FGF14: variants seen among roughly 807,000 people sequenced by gnomAD.
The protein encoded by FGF14 is fibroblast growth factor 14.
Under a neutral mutation model 25.5 loss-of-function variants are expected in FGF14, and 5 were observed. That is an observed-to-expected ratio of 0.20 (90% CI 0.10 to 0.41). The LOEUF (loss-of-function observed/expected upper bound fraction) is 0.41, where lower values mean the gene tolerates loss of function less well. Ranked by LOEUF, FGF14 falls within the 10% of genes least tolerant of loss-of-function variation. The pLI is 1.00. For synonymous variants in FGF14, 138 were observed against 118.3 expected, an observed-to-expected ratio of 1.17 and a Z score of -1.08; for missense variants, 222 against 320.1, an observed-to-expected ratio of 0.69 and a Z score of 2.34.
chr13:102,370,511 G>C (rs1031020651), intron 1 of FGF14, among the ~76,000 whole-genome samples: 1 of 151,974 alleles, frequency 6.6e-6, no homozygotes, highest in African/African-American at 2.4e-5. Context: ...TCGGCCTCCT[G>C]AGTAGCTGGG....
At chr13:102,096,949 A>G (rs186398282) in intron 1 of FGF14, among the ~76,000 whole-genome samples, 1 of 152,170 alleles carries the variant, frequency 6.6e-6, no homozygotes, top group East Asian at 1.9e-4. Flanking sequence ...GTAATTGCCT[A>G]TTTGTACATA....
chr13:102,275,775 A>G (rs1714312448), intron 1 of FGF14, among the ~76,000 whole-genome samples: 1 of 152,188 alleles, frequency 6.6e-6, no homozygotes, highest in Admixed American at 6.5e-5. Context: ...TGCTTAGCTT[A>G]GACAACTCAG....
chr13:101,730,561 T>C (rs971326797), intron 3 of FGF14, among the ~76,000 whole-genome samples: 56 of 152,322 alleles, frequency 3.7e-4, no homozygotes, highest in Middle Eastern at 3.4e-3. Context: ...AAAACTGACA[T>C]TGACCAACAT....
intron 3 of FGF14, among the ~76,000 whole-genome samples, chr13:101,864,242 C>A (rs547808137): frequency 6.6e-6 from 1 of 152,198 alleles, no homozygotes; most frequent in East Asian, 1.9e-4. Flanking sequence ...GTATGCTGGT[C>A]TGCTTTCAAA....
At chr13:101,851,613 G>A (rs763664101) in intron 3 of FGF14, among the ~76,000 whole-genome samples, 2 of 151,996 alleles carry the variant, frequency 1.3e-5, no homozygotes, top group Non-Finnish European at 2.9e-5. Flanking sequence ...CAAAAGCGAG[G>A]GACTTCAACC....
exon 1 of FGF14, chr13:102,401,679 A>G (rs2058705965): frequency 6.2e-7 from 1 of 1,612,078 alleles, no homozygotes; most frequent in Non-Finnish European, 8.5e-7. Flanking sequence ...GTTTTACCAT[A>G]GGAAAAACGA....
intron 1 of FGF14, among the ~76,000 whole-genome samples, chr13:102,062,227 A>G (rs1215631274): frequency 6.6e-6 from 1 of 152,196 alleles, no homozygotes; most frequent in African/African-American, 2.4e-5. Flanking sequence ...CATGGCTACC[A>G]ACCGGAAAAG....
intron 1 of FGF14, among the ~76,000 whole-genome samples, chr13:102,183,939 T>C (rs897177512): frequency 1.3e-5 from 2 of 152,198 alleles, no homozygotes; most frequent in African/African-American, 2.4e-5. Context: ...GCTCACCCAG[T>C]TGGCTCATCA....
chr13:101,956,606 CT>C (rs2036528017), intron 1 of FGF14, among the ~76,000 whole-genome samples: 1 of 151,982 alleles, frequency 6.6e-6, no homozygotes, highest in Admixed American at 6.6e-5. Flanking sequence ...ACCTAAATAT[CT>C]GCTGGGGTTA....
At chr13:101,890,406 C>T (rs974470156) in intron 1 of FGF14, among the ~76,000 whole-genome samples, 1 of 152,094 alleles carries the variant, frequency 6.6e-6, no homozygotes, top group South Asian at 2.1e-4. Context: ...TTGTAAAAAC[C>T]TTTCTGTCTG....
In FGF14 at chr13:101,715,584, G is replaced by A. The variant is rs1185650639; in HGVS notation, c.*7247C>T. ...GCAGGGAATGGAATATGTAGCTGTG[G>A]AAACTGTGAATGCTGGGATGGATGG... On this transcript the variant is annotated 3_prime_UTR_variant, in exon 5 of 5. Transcript: ENST00000376143. 1 of 1,613,040 alleles carries A rather than the reference G, an allele frequency of 6.2e-7. No individual in the cohort carries two copies. The highest frequency in any genetic ancestry group is 8.5e-7 in the Non-Finnish European group (1 of 1,179,104).
chr13:102,258,132 G>A (rs1360168217), intron 1 of FGF14, among the ~76,000 whole-genome samples: 1 of 152,150 alleles, frequency 6.6e-6, no homozygotes. Flanking sequence ...ATCAGATCTT[G>A]TAAGACTTCT....
chr13:101,962,469 A>G (rs1475774155), intron 1 of FGF14, among the ~76,000 whole-genome samples: 1 of 152,162 alleles, frequency 6.6e-6, no homozygotes, highest in East Asian at 1.9e-4. Flanking sequence ...GGAAATGTAA[A>G]CTGAATTAAT....
At chr13:102,203,592 T>C (rs550281685) in intron 1 of FGF14, among the ~76,000 whole-genome samples, 32 of 152,322 alleles carry the variant, frequency 2.1e-4, no homozygotes, top group Non-Finnish European at 8.8e-5. Flanking sequence ...TGAAATTTAA[T>C]TATGTTTTAT....
intron 1 of FGF14, among the ~76,000 whole-genome samples, chr13:101,927,047 A>G (rs1005635965): frequency 1.3e-5 from 2 of 152,094 alleles, no homozygotes; most frequent in African/African-American, 4.8e-5. Flanking sequence ...CCCCGAGACA[A>G]GCCCTGCTCA....
chr13:102,059,749 G>C (rs985384679), intron 1 of FGF14, among the ~76,000 whole-genome samples: 1 of 152,056 alleles, frequency 6.6e-6, no homozygotes, highest in Non-Finnish European at 1.5e-5. Flanking sequence ...TACTCAGGAG[G>C]CTGAGGCAGG....
At chr13:102,331,901 T>C (rs2056644657) in intron 1 of FGF14, among the ~76,000 whole-genome samples, 1 of 152,010 alleles carries the variant, frequency 6.6e-6, no homozygotes, top group African/African-American at 2.4e-5. Context: ...ACAGAGTAAA[T>C]TCCCCATAGC....
chr13:101,993,922 A>G (rs2039043960), intron 1 of FGF14, among the ~76,000 whole-genome samples: 1 of 151,966 alleles, frequency 6.6e-6, no homozygotes, highest in Non-Finnish European at 1.5e-5. Context: ...AAGTATAATA[A>G]TAATAAAATA....
intron 1 of FGF14, among the ~76,000 whole-genome samples, chr13:101,943,129 TG>T (rs1331199184): frequency 6.6e-5 from 10 of 152,196 alleles, no homozygotes; most frequent in Admixed American, 6.5e-4. Flanking sequence ...AACTAGTCCA[TG>T]GATAACAACT....
Sources: gnomAD v4.1 joint callset for allele counts (sites outside exome capture counted in the v4.1 genomes callset) on GRCh38, gnomAD v4.1.1 for gene constraint, MANE v1.5 for transcripts, NCBI Gene and HGNC (gene_info 2026-07-23, HGNC 2026-07-21) for gene names.